DSP: variants seen among roughly 807,000 people sequenced by gnomAD.
DSP encodes the protein 250/210 kDa paraneoplastic pemphigus antigen.
DSP carries 114 observed loss-of-function variants against 290.6 expected under a neutral mutation model. The observed-to-expected ratio is 0.39, with a 90% CI of 0.34 to 0.46. The LOEUF is 0.46. DSP is among the 20% of genes least tolerant of loss of function. The pLI is 0.99. For missense variants in DSP, 3,230 were observed against 3,495.8 expected, an observed-to-expected ratio of 0.92 and a Z score of 1.92; for synonymous variants, 1,311 against 1,316.4, an observed-to-expected ratio of 1.00 and a Z score of 0.09.
In DSP at chr6:7,574,745, ACTGT is replaced by A. The variant is rs754566092; in HGVS notation, c.2390_2393del (p.Val797AlafsTer14). The A allele has an allele frequency of 6.2e-7, 1 of 1,614,172 alleles. No homozygotes were observed. The highest frequency in any genetic ancestry group is 8.5e-7 in the Non-Finnish European group (1 of 1,180,030). On this transcript the variant is annotated frameshift_variant, in exon 17 of 24. Coordinates refer to ENST00000379802, the MANE Select transcript of DSP (RefSeq NM_004415.4). LOFTEE classifies it high-confidence loss of function. Reference sequence around the variant, plus strand: ...TGAAGCCAGGCTCACTGAGGAGGAAACTGTCTGCCTGGACCTGGATAAAGTGGAA... The same window carrying A: ...TGAAGCCAGGCTCACTGAGGAGGAAACTGCCTGGACCTGGATAAAGTGGAA...
chr6:7,542,515 G>A (rs1758027796), intron 1 of DSP, among the ~76,000 whole-genome samples: 1 of 152,176 alleles, frequency 6.6e-6, no homozygotes, highest in African/African-American at 2.4e-5. Context: ...GTCCTGTCTG[G>A]TGGCCGAGTG....
intron 23 of DSP, among the ~76,000 whole-genome samples, chr6:7,581,894 G>T (rs1759450066): frequency 6.6e-6 from 1 of 152,094 alleles, no homozygotes. Context: ...TATTTAGTGA[G>T]CTATGACATA....
At position 7,554,125 on chromosome 6, in the gene DSP, A is replaced by ACACC. The variant is rs772041102; in HGVS notation, c.171-1592_171-1591insACCC. On this transcript the variant is annotated intron_variant, in intron 1 of 23. Coordinates refer to ENST00000379802, the MANE Select transcript of DSP (RefSeq NM_004415.4). ...CACACACACACACACACACACACACACCCAGTTGGTTAGACAGGCATCAGA... is the reference window on the plus strand; with the variant it reads ...CACACACACACACACACACACACACACACCCCCAGTTGGTTAGACAGGCATCAGA... 6.1e-4 allele frequency among the ~76,000 whole-genome samples: 88 copies of ACACC among 144,456 alleles called. 2 individuals are homozygous for ACACC. Among genetic ancestry groups the ACACC allele is most frequent in the African/African-American group, 2.1e-3 (79 of 37,412 alleles). The allele number at this position is 144,456 out of a possible 152,430, so 94.8% of individuals were successfully genotyped here.
chr6:7,546,384 C>G (rs1758171214), intron 1 of DSP, among the ~76,000 whole-genome samples: 1 of 152,182 alleles, frequency 6.6e-6, no homozygotes, highest in African/African-American at 2.4e-5. Context: ...TTAAATTTAA[C>G]TTGTATATTT....
At position 7,579,167 on chromosome 6, in the gene DSP, G is replaced by GTA; in HGVS notation, c.3085-107_3085-106dup. 1 of 1,466,956 alleles carries GTA rather than the reference G, an allele frequency of 6.8e-7. No homozygotes were observed. The highest frequency in any genetic ancestry group is 9.3e-7 in the Non-Finnish European group (1 of 1,076,180). The allele number at this position is 1,466,956 out of a possible 1,614,324, so 90.9% of individuals were successfully genotyped here. A position where few individuals can be genotyped will look rare whatever the true frequency, so the allele number is the denominator to read the frequency against. ...ACTCTTTGCATGTATGTCCATGTGT[G>GTA]TAAAGAGAAATAAGAATGCACATTG... On this transcript the variant is annotated intron_variant, in intron 22 of 23. Coordinates refer to ENST00000379802, the MANE Select transcript of DSP (RefSeq NM_004415.4). This position sits in a 1 kb window ranked among gnomAD's most constrained non-coding sequence, Gnocchi z 4.1.
chr6:7,559,288 G>A lies in DSP; in HGVS notation c.485G>A (p.Arg162His), dbSNP rs397516944. 1.7e-5 allele frequency: 28 copies of A among 1,613,948 alleles called. No individual in the cohort carries two copies. In the South Asian group the frequency reaches 2.0e-4, roughly 11 times the overall value. The change falls in exon 4 of 24, where the codon CGC (arginine) becomes CAC (histidine). Residue 162 changes from arginine to histidine, a missense_variant. By Grantham distance (29) the Arg-to-His change is conservative. Coordinates refer to ENST00000379802, the MANE Select transcript of DSP (RefSeq NM_004415.4). ...LYKAISVPRV[R>H]RASSKGGGGY... ...AAAGCCATCAGTGTCCCTCGAGTCC[G>A]CAGGGCCAGCTCCAAGGGTGGTGGA... is the stretch of plus-strand genomic sequence containing the variant.
At position 7,583,079 on chromosome 6, in the gene DSP, T is replaced by C. The variant is rs1372357560; in HGVS notation, c.5817T>C (p.Ile1939=). The C allele has an allele frequency of 6.2e-7, 1 of 1,613,872 alleles. No homozygotes were observed. The highest frequency in any genetic ancestry group is 8.5e-7 in the Non-Finnish European group (1 of 1,179,984). Residue 1939 remains isoleucine (I), a synonymous_variant, in exon 24 of 24, where the codon ATT becomes ATC. Transcript: ENST00000379802. This position sits in a 1 kb window ranked among gnomAD's most constrained non-coding sequence, Gnocchi z 4.0. ...AACGCTCCCGATATCAGAGGGAGAT[T>C]GATAAACTCAGACAGCGCCCATATG... ...ETERSRYQRE[I]DKLRQRPYGS...
Position 7,584,115 on chromosome 6 carries a change from C to G in DSP, c.6853C>G (p.Pro2285Ala). Residue 2285 changes from proline (P) to alanine (A), a missense_variant, in exon 24 of 24, where the codon CCT (proline) becomes GCT (alanine). Transcript: ENST00000379802. The surrounding 1 kb of genome is among the most constrained non-coding windows in gnomAD (Gnocchi z 6.4). Reference sequence around the variant, plus strand: ...GGCCATGAAAATTGGCTTAGTCCGACCTGGTACTGCTCTGGAGTTGCTGGA... The same window carrying G: ...GGCCATGAAAATTGGCTTAGTCCGAGCTGGTACTGCTCTGGAGTTGCTGGA... ...YEAMKIGLVR[P>A]GTALELLEAQ... 6.2e-7 allele frequency: 1 copy of G among 1,614,106 alleles called. No homozygotes were observed. The highest frequency in any genetic ancestry group is 8.5e-7 in the Non-Finnish European group (1 of 1,180,032).
chr6:7,581,464 C>A lies in DSP; in HGVS notation c.5274C>A (p.Ile1758=). 1 of 1,612,496 alleles carries A rather than the reference C, an allele frequency of 6.2e-7. No individual in the cohort carries two copies. Among genetic ancestry groups the A allele is most frequent in the Admixed American group, 1.7e-5 (1 of 59,664 alleles). ...TILELRSQLQ[I]SNNRTLELQG... is the part of the protein sequence containing the mutation. ...TGGAACTAAGGAGCCAGCTGCAGAT[C>A]AGCAACAACCGGACCCTGGAACTGC... The change falls in exon 23 of 24, where the codon ATC becomes ATA. Residue 1758 remains isoleucine (I), a synonymous_variant. Coordinates refer to ENST00000379802, the MANE Select transcript of DSP (RefSeq NM_004415.4).
Position 7,585,779 on chromosome 6 carries a change from CGGGTCCCGCAGT to C in DSP, c.8526_8537del (p.Ser2843_Arg2846del). The C allele has an allele frequency of 6.2e-7, 1 of 1,609,150 alleles. No homozygotes were observed. Among genetic ancestry groups the C allele is most frequent in the Non-Finnish European group, 8.5e-7 (1 of 1,178,206 alleles). Reference sequence around the variant, plus strand: ...CGGGATCTCGCTCCGGATCTCGCTCCGGGTCCCGCAGTGGGTCCCGGAGAGGAAGCTTTGACG... The same window carrying C: ...CGGGATCTCGCTCCGGATCTCGCTCCGGGTCCCGGAGAGGAAGCTTTGACG... On this transcript the variant is annotated inframe_deletion, in exon 24 of 24. Coordinates refer to ENST00000379802, the MANE Select transcript of DSP (RefSeq NM_004415.4).
chr6:7,549,791 A>C (rs1758279550), intron 1 of DSP, among the ~76,000 whole-genome samples: 1 of 152,200 alleles, frequency 6.6e-6, no homozygotes, highest in Non-Finnish European at 1.5e-5. Flanking sequence ...AAGAGGAAGG[A>C]AGGAAAGGAG....
intron 9 of DSP, 45 bp from the exon 10 acceptor site, chr6:7,567,736 T>C: frequency 6.2e-7 from 1 of 1,613,018 alleles, no homozygotes. Context: ...ATGAAATTGC[T>C]CATTGAGTTG....
chr6:7,549,128 A>T (rs1031793398), intron 1 of DSP, among the ~76,000 whole-genome samples: 3 of 151,210 alleles, frequency 2.0e-5, no homozygotes, highest in Non-Finnish European at 4.4e-5. Flanking sequence ...ATTTCAGCTG[A>T]TGTATATAGA....
chr6:7,557,439 G>A (rs1226968242), intron 2 of DSP, among the ~76,000 whole-genome samples: 2 of 152,206 alleles, frequency 1.3e-5, no homozygotes, highest in African/African-American at 4.8e-5. Flanking sequence ...CAGCACTTTG[G>A]GAGGCCGAGG....
At position 7,576,269 on chromosome 6, in the gene DSP, T is replaced by G. The variant is rs1759236218; in HGVS notation, c.2631-25T>G. 3 of 1,611,674 alleles carry G rather than the reference T, an allele frequency of 1.9e-6. No homozygotes were observed. In the East Asian group the frequency reaches 6.7e-5, roughly 36 times the overall value. ...ATTTTAGGAACTAATAAGATAATGA[T>G]TTTATTGTATCTATTTCCCCCCAGG... On this transcript the variant is annotated intron_variant, in intron 18 of 23. Transcript: ENST00000379802.
At chr6:7,549,995 T>TA (rs1471095290) in intron 1 of DSP, among the ~76,000 whole-genome samples, 3 of 152,182 alleles carry the variant, frequency 2.0e-5, no homozygotes, top group Non-Finnish European at 1.5e-5. Flanking sequence ...GTGTTTTTTC[T>TA]TTATCTTTTT....
At position 7,583,711 on chromosome 6, in the gene DSP, C is replaced by T. The variant is rs1487798502; in HGVS notation, c.6449C>T (p.Ala2150Val). The part of the protein sequence containing the change: ...SVFLPKDVAL[A>V]RGLIDRDLYR... ...TTTTTGCCAAAAGATGTCGCCTTGG[C>T]CCGGGGGCTGATTGATAGAGATTTG... The change falls in exon 24 of 24, where the codon GCC becomes GTC. Residue 2150 changes from alanine (A) to valine (V), a missense_variant. By Grantham distance (64) the Ala-to-Val change is moderately conservative. Around this residue, in one of 5 missense-constraint regions of DSP, gnomAD observed 1,714 missense variants for 1,844.5 expected, o/e 0.93. Coordinates refer to ENST00000379802, the MANE Select transcript of DSP (RefSeq NM_004415.4). This position sits in a 1 kb window ranked among gnomAD's most constrained non-coding sequence, Gnocchi z 4.0. 3 of 1,613,912 alleles carry T rather than the reference C, an allele frequency of 1.9e-6. No individual in the cohort carries two copies. In the Admixed American group the frequency reaches 5.0e-5, roughly 27 times the overall value.
chr6:7,549,977 GTTTT>G (rs577152256), intron 1 of DSP, among the ~76,000 whole-genome samples: 1 of 150,084 alleles, frequency 6.7e-6, no homozygotes, highest in Non-Finnish European at 1.5e-5. Context: ...TATTTGTCTT[GTTTT>G]TTTGTGTTTT....
In DSP at chr6:7,579,296, G is replaced by A. The variant is rs1759340508; in HGVS notation, c.3106G>A (p.Val1036Ile). The A allele has an allele frequency of 1.2e-6, 2 of 1,614,040 alleles. No individual in the cohort carries two copies. Among genetic ancestry groups the A allele is most frequent in the Admixed American group, 1.7e-5 (1 of 59,996 alleles). Residue 1036 changes from valine to isoleucine, a missense_variant, in exon 23 of 24, where the codon GTT becomes ATT. Around this residue, in one of 5 missense-constraint regions of DSP, gnomAD observed 1,714 missense variants for 1,844.5 expected, o/e 0.93. Coordinates refer to ENST00000379802, the MANE Select transcript of DSP (RefSeq NM_004415.4). This position sits in a 1 kb window ranked among gnomAD's most constrained non-coding sequence, Gnocchi z 4.1. ...DLKLKNTKIE[V>I]LEEELRLARD... ...ACAGCTGAAAAATACCAAGATCGAA[G>A]TTTTGGAAGAGGAGCTCAGACTGGC...
Sources: gnomAD v4.1 joint callset for allele counts (sites outside exome capture counted in the v4.1 genomes callset) on GRCh38, gnomAD v4.1.1 for gene constraint, gnomAD v4.1.1 regional missense constraint, Gnocchi (gnomAD v3.1) non-coding constraint, MANE v1.5 for transcripts, NCBI Gene and HGNC (gene_info 2026-07-23, HGNC 2026-07-21) for gene names.